Variants in TMEM132C observed in about 807,000 individuals in gnomAD.
TMEM132C encodes the protein transmembrane protein 132C, also known as protein phosphatase 1, regulatory subunit 152.
TMEM132C carries 29 observed loss-of-function variants against 61.4 expected under a neutral mutation model. That is an observed-to-expected ratio of 0.47 (90% CI 0.35 to 0.64). TMEM132C has a LOEUF of 0.64. Ranked by LOEUF, TMEM132C falls within the 30% of genes least tolerant of loss-of-function variation. The pLI, the probability that TMEM132C is intolerant of heterozygous loss-of-function variation, is 0.00. For synonymous variants in TMEM132C, 656 were observed against 633.1 expected, an observed-to-expected ratio of 1.04 and a Z score of -0.54; for missense variants, 1,408 against 1,476.9, an observed-to-expected ratio of 0.95 and a Z score of 0.76.
intron 1 of TMEM132C, among the ~76,000 whole-genome samples, chr12:128,358,304 C>T (rs1873584435): frequency 6.6e-6 from 1 of 152,182 alleles, no homozygotes; most frequent in Admixed American, 6.5e-5. Context: ...TCTTTAATAC[C>T]TGCTTATCCT....
At chr12:128,512,653 G>T (rs1030110368) in intron 2 of TMEM132C, among the ~76,000 whole-genome samples, 1 of 152,214 alleles carries the variant, frequency 6.6e-6, no homozygotes, top group African/African-American at 2.4e-5. Context: ...GTAAAGCTCT[G>T]CAAGTAGGCA....
At chr12:128,329,716 G>A (rs894036663) in intron 1 of TMEM132C, among the ~76,000 whole-genome samples, 3 of 152,136 alleles carry the variant, frequency 2.0e-5, no homozygotes, top group African/African-American at 7.2e-5. Flanking sequence ...GCTTTGTTGG[G>A]GGCGGAGGAG....
intron 5 of TMEM132C, among the ~76,000 whole-genome samples, chr12:128,678,056 C>T (rs917641440): frequency 2.0e-5 from 3 of 152,220 alleles, no homozygotes; most frequent in African/African-American, 7.2e-5. Context: ...GTGTGAAGTT[C>T]TTTGGCAACA....
intron 1 of TMEM132C, among the ~76,000 whole-genome samples, chr12:128,322,554 CAT>C (rs1872369432): frequency 6.6e-6 from 1 of 152,226 alleles, no homozygotes; most frequent in African/African-American, 2.4e-5. Flanking sequence ...CAAAAAACAA[CAT>C]ATGGCTACGC....
intron 1 of TMEM132C, among the ~76,000 whole-genome samples, chr12:128,357,969 G>A (rs1426129255): frequency 1.3e-5 from 2 of 152,052 alleles, no homozygotes; most frequent in African/African-American, 4.8e-5. Flanking sequence ...CCTGCTCAGG[G>A]GCCAGGAGTG....
chr12:128,547,720 A>G (rs577424640), intron 3 of TMEM132C, among the ~76,000 whole-genome samples: 1 of 152,204 alleles, frequency 6.6e-6, no homozygotes, highest in Non-Finnish European at 1.5e-5. Flanking sequence ...GAACCTAGGG[A>G]GACATAAATA....
chr12:128,625,956 TTCCA>T (rs1262303178), intron 4 of TMEM132C, among the ~76,000 whole-genome samples: 1 of 152,154 alleles, frequency 6.6e-6, no homozygotes, highest in Non-Finnish European at 1.5e-5. Context: ...ACTCACACAT[TTCCA>T]TGTCATAGCA....
Position 128,267,411 on chromosome 12 carries a change from C to T in TMEM132C, c.9C>T (p.Ser3=). ...AGCGGCCGGGACGCAGGATGCGCTC[C>T]GAGGGTGCGGCCCCCGGGCCGGCGG... MR[S]EGAAPGPAAP... is the part of the protein sequence containing the mutation. The change falls in exon 1 of 9, where the codon TCC becomes TCT. Residue 3 remains serine (S), a synonymous_variant. Coordinates refer to ENST00000435159, the MANE Select transcript of TMEM132C (RefSeq NM_001136103.3). 1 of 1,215,328 alleles carries T rather than the reference C, an allele frequency of 8.2e-7. No individual in the cohort carries two copies. Among genetic ancestry groups the T allele is most frequent in the Non-Finnish European group, 1.0e-6 (1 of 978,866 alleles). 75.3% of individuals were successfully genotyped at this position (1,215,328 alleles called of 1,614,324 possible). A position where few individuals can be genotyped will look rare whatever the true frequency, so the allele number is the denominator to read the frequency against.
chr12:128,686,785 T>C (rs1170552251), intron 5 of TMEM132C, among the ~76,000 whole-genome samples: 2 of 152,156 alleles, frequency 1.3e-5, no homozygotes, highest in Non-Finnish European at 2.9e-5. Flanking sequence ...TAGGTTCTCC[T>C]GAGGGAGGAC....
intron 1 of TMEM132C, among the ~76,000 whole-genome samples, chr12:128,383,618 G>A (rs147200438): frequency 1.9e-4 from 29 of 152,204 alleles, no homozygotes; most frequent in Non-Finnish European, 3.8e-4. Context: ...TTCTCTCTCC[G>A]CCCCCAGGGG....
At chr12:128,393,727 A>C (rs1176039798) in intron 1 of TMEM132C, among the ~76,000 whole-genome samples, 1 of 152,198 alleles carries the variant, frequency 6.6e-6, no homozygotes, top group Non-Finnish European at 1.5e-5. Context: ...TATCCTCAGC[A>C]TGAGCTTCTT....
chr12:128,626,288 A>T (rs1268227067), intron 4 of TMEM132C, among the ~76,000 whole-genome samples: 1 of 150,134 alleles, frequency 6.7e-6, no homozygotes, highest in Admixed American at 6.6e-5. Flanking sequence ...CACCACGCCC[A>T]GCTAATGTTT....
At chr12:128,305,186 A>G (rs1452688948) in intron 1 of TMEM132C, among the ~76,000 whole-genome samples, 1 of 152,094 alleles carries the variant, frequency 6.6e-6, no homozygotes, top group Non-Finnish European at 1.5e-5. Flanking sequence ...CGGCCTCGGC[A>G]ACACAGTAGG....
chr12:128,392,100 G>A (rs1874788159), intron 1 of TMEM132C, among the ~76,000 whole-genome samples: 1 of 123,048 alleles, frequency 8.1e-6, no homozygotes, highest in African/African-American at 2.9e-5. Context: ...CTCTCTCTCA[G>A]AGATGTGTGG....
At chr12:128,577,651 CT>C (rs1273915375) in intron 3 of TMEM132C, among the ~76,000 whole-genome samples, 3 of 152,246 alleles carry the variant, frequency 2.0e-5, no homozygotes, top group Non-Finnish European at 4.4e-5. Context: ...CTTTTATTAA[CT>C]CAGCTCTCCG....
At position 128,587,647 on chromosome 12, in the gene TMEM132C, A is replaced by G. The variant is rs116052136; in HGVS notation, c.1122-28505A>G. On this transcript the variant is annotated intron_variant, in intron 3 of 8. Coordinates refer to ENST00000435159, the MANE Select transcript of TMEM132C (RefSeq NM_001136103.3). ...GTGATTGCATCTATTGCACTCTCAG[A>G]TTCTCCCAATGAGTCCTGTTGGGGA... Among the ~76,000 whole-genome samples the G allele has an allele frequency of 9.2e-3, 1,409 of 152,332 alleles. 10 individuals are homozygous for G. The highest frequency in any genetic ancestry group is 0.015 in the African/African-American group (644 of 41,576).
Position 128,543,856 on chromosome 12 carries a change from G to A in TMEM132C, c.975-101G>A. On this transcript the variant is annotated intron_variant, in intron 2 of 8. Transcript: ENST00000435159. ...CACTAGATATGAAAAAAGTGGAAAA[G>A]CAAAACAGAAACTAAAGGTGACAAC... The A allele has an allele frequency of 1.2e-5, 17 of 1,446,764 alleles. 1 individual carries two copies. Among genetic ancestry groups the A allele is most frequent in the African/African-American group, 7.4e-5 (5 of 67,936 alleles). The allele number at this position is 1,446,764 out of a possible 1,614,324, so 89.6% of individuals were successfully genotyped here.
chr12:128,351,882 G>A (rs141424609), intron 1 of TMEM132C, among the ~76,000 whole-genome samples: 62 of 152,270 alleles, frequency 4.1e-4, no homozygotes, highest in African/African-American at 1.4e-3. Flanking sequence ...GATGTCATAC[G>A]TGTACATGTA....
chr12:128,677,964 C>G (rs1299238673), intron 5 of TMEM132C, among the ~76,000 whole-genome samples: 1 of 152,194 alleles, frequency 6.6e-6, no homozygotes. Context: ...CTGATAGTTG[C>G]CCTGAGCTTG....
Sources: gnomAD v4.1 joint callset for allele counts (sites outside exome capture counted in the v4.1 genomes callset) on GRCh38, gnomAD v4.1.1 for gene constraint, MANE v1.5 for transcripts, NCBI Gene and HGNC (gene_info 2026-07-23, HGNC 2026-07-21) for gene names.